The following RGSL1 variants were observed in gnomAD, a reference collection of about 807,000 sequenced individuals.
The protein encoded by RGSL1 is regulator of G protein signaling protein-like.
A neutral mutation model predicts 124.7 loss-of-function variants in RGSL1; 97 were observed. The ratio of observed to expected loss-of-function variants is 0.78; its 90% CI spans 0.66 to 0.92. The LOEUF is 0.92. Among genes scored for constraint, RGSL1 ranks in the 40% least tolerant of loss-of-function variants. The pLI, the probability that RGSL1 is intolerant of heterozygous loss-of-function variation, is 0.00. For synonymous variants in RGSL1, 424 were observed against 438.1 expected, an observed-to-expected ratio of 0.97 and a Z score of 0.40; for missense variants, 1,233 against 1,288.4, an observed-to-expected ratio of 0.96 and a Z score of 0.66.
At chr1:182,509,756 G>A (rs1356908854) in intron 9 of RGSL1, among the ~76,000 whole-genome samples, 3 of 136,178 alleles carry the variant, frequency 2.2e-5, no homozygotes, top group Admixed American at 6.9e-5. Context: ...ACGGCTGGCC[G>A]GGTGGGGGGG....
In RGSL1 at chr1:182,538,460, G is replaced by C. The variant is rs139054252; in HGVS notation, c.2495-1787G>C. Among the ~76,000 whole-genome samples, 1,086 of 152,076 alleles carry C rather than the reference G, an allele frequency of 7.1e-3. 16 individuals are homozygous for C. The highest frequency in any genetic ancestry group is 0.025 in the African/African-American group (1,025 of 41,474). ...GGAGAATTGCTTGAACCCAGGAAGC[G>C]GAGCTTGCAATGAGCTGAGATCGTG... On this transcript the variant is annotated intron_variant, in intron 14 of 21. Transcript: ENST00000294854.
intron 12 of RGSL1, among the ~76,000 whole-genome samples, chr1:182,530,562 C>CACACACACACAT: frequency 6.6e-6 from 1 of 151,934 alleles, no homozygotes; most frequent in South Asian, 2.1e-4. Flanking sequence ...CACACACACA[C>CACACACACACAT]ACATTTCTGT....
chr1:182,495,675 C>T (rs1470691686), intron 9 of RGSL1, among the ~76,000 whole-genome samples: 2 of 152,176 alleles, frequency 1.3e-5, no homozygotes, highest in Non-Finnish European at 2.9e-5. Context: ...TGATAGAGGG[C>T]TTCAGCTGTT....
intron 9 of RGSL1, among the ~76,000 whole-genome samples, chr1:182,495,625 A>G (rs1156927006): frequency 6.6e-6 from 1 of 152,200 alleles, no homozygotes; most frequent in African/African-American, 2.4e-5. Context: ...ATGGCGTTGC[A>G]GGGGATTTTT....
intron 8 of RGSL1, among the ~76,000 whole-genome samples, chr1:182,489,887 T>A (rs1466298426): frequency 6.6e-6 from 1 of 152,248 alleles, no homozygotes; most frequent in African/African-American, 2.4e-5. Context: ...AGTTCAATAC[T>A]GTAAATGTTA....
upstream of RGSL1, chr1:182,450,118 G>A: frequency 1.3e-6 from 2 of 1,550,674 alleles, no homozygotes; most frequent in South Asian, 1.2e-5. Context: ...TTGACTGGGG[G>A]GTAATTCTGC....
At chr1:182,491,057 A>ATT (rs1394208614) in intron 8 of RGSL1, among the ~76,000 whole-genome samples, 4 of 143,912 alleles carry the variant, frequency 2.8e-5, no homozygotes, top group African/African-American at 1.0e-4. Context: ...CACCCAGCTA[A>ATT]TTTTTTTTTT....
chr1:182,480,614 C>A (rs975115322), intron 6 of RGSL1, among the ~76,000 whole-genome samples: 1 of 152,024 alleles, frequency 6.6e-6, no homozygotes, highest in South Asian at 2.1e-4. Context: ...CACCACCATG[C>A]CCACCTAATT....
At chr1:182,459,258 T>C (rs986333963) in intron 3 of RGSL1, among the ~76,000 whole-genome samples, 2 of 152,212 alleles carry the variant, frequency 1.3e-5, no homozygotes, top group African/African-American at 4.8e-5. Flanking sequence ...CCTTTTTCTT[T>C]TTTCTTATTT....
intron 9 of RGSL1, among the ~76,000 whole-genome samples, chr1:182,513,591 C>CATTCTGGGA (rs1657637079): frequency 6.6e-6 from 1 of 152,154 alleles, no homozygotes. Context: ...TTAACAGGTG[C>CATTCTGGGA]ATTCTGGGAA....
At chr1:182,454,946 A>G (rs959996561) in intron 2 of RGSL1, among the ~76,000 whole-genome samples, 1 of 152,128 alleles carries the variant, frequency 6.6e-6, no homozygotes, top group Admixed American at 6.5e-5. Context: ...AATTTCAGTC[A>G]AGTGGGAGAA....
intron 14 of RGSL1, among the ~76,000 whole-genome samples, chr1:182,535,937 C>T (rs1460454594): frequency 1.3e-5 from 2 of 152,130 alleles, no homozygotes; most frequent in Admixed American, 1.3e-4. Context: ...AACACCCTCC[C>T]CGCTCCACTA....
intron 14 of RGSL1, among the ~76,000 whole-genome samples, chr1:182,534,487 ATTATC>A (rs1256612174): frequency 6.6e-6 from 1 of 152,130 alleles, no homozygotes; most frequent in Non-Finnish European, 1.5e-5. Flanking sequence ...AAAAGTTTGT[ATTATC>A]TTTTATGAAC....
chr1:182,449,446 C>T (rs1003020728), upstream of RGSL1: 1 of 152,164 alleles, frequency 6.6e-6, no homozygotes, highest in African/African-American at 2.4e-5. Flanking sequence ...GGGTGTGACA[C>T]TGAAGAATTC....
At chr1:182,485,206 C>A (rs1233152166) in intron 6 of RGSL1, among the ~76,000 whole-genome samples, 1 of 152,132 alleles carries the variant, frequency 6.6e-6, no homozygotes, top group Non-Finnish European at 1.5e-5. Context: ...AAGTTCCTCC[C>A]GGTCCCCAGC....
At chr1:182,472,874 T>A (rs947162068) in intron 5 of RGSL1, among the ~76,000 whole-genome samples, 3 of 152,226 alleles carry the variant, frequency 2.0e-5, no homozygotes, top group African/African-American at 4.8e-5. Context: ...TTTATTTTTT[T>A]AATTGGGATT....
At chr1:182,493,160 C>A in intron 9 of RGSL1, 31 bp downstream of exon 9, 1 of 1,401,426 alleles carries the variant, frequency 7.1e-7, no homozygotes, top group Non-Finnish European at 9.9e-7. Context: ...ATAGACGAGG[C>A]AACTAGGTTT....
chr1:182,484,204 G>C (rs1160114388), intron 6 of RGSL1, among the ~76,000 whole-genome samples: 2 of 152,068 alleles, frequency 1.3e-5, no homozygotes, highest in East Asian at 3.9e-4. Context: ...AGTGTGGGGT[G>C]CCTCAGCTCA....
At chr1:182,522,139 T>A (rs927476664) in intron 10 of RGSL1, 30 bp downstream of exon 10, 12 of 1,438,402 alleles carry the variant, frequency 8.3e-6, no homozygotes, top group Non-Finnish European at 9.5e-6. Context: ...TACAGCAACA[T>A]CTTCAGGTAC....
Sources: gnomAD v4.1 joint callset for allele counts (sites outside exome capture counted in the v4.1 genomes callset) on GRCh38, gnomAD v4.1.1 for gene constraint, MANE v1.5 for transcripts, NCBI Gene and HGNC (gene_info 2026-07-23, HGNC 2026-07-21) for gene names.